Variants in DUSP5 observed in about 807,000 individuals in gnomAD.
DUSP5 encodes the protein dual specificity phosphatase 5.
Under a neutral mutation model 33.6 loss-of-function variants are expected in DUSP5, and 22 were observed. The ratio of observed to expected loss-of-function variants is 0.66; its 90% confidence interval spans 0.47 to 0.94. DUSP5 has a LOEUF of 0.94. Ranked by LOEUF, DUSP5 falls within the 40% of genes least tolerant of loss-of-function variation. The pLI is 0.00. For missense variants in DUSP5, 551 were observed against 522.1 expected (o/e 1.06, Z -0.54); for synonymous variants, 270 against 231.1 (o/e 1.17, Z -1.53).
intron 3 of DUSP5, among the ~76,000 whole-genome samples, chr10:110,508,874 T>C (rs1177399545): frequency 6.6e-6 from 1 of 152,212 alleles, no homozygotes; most frequent in East Asian, 1.9e-4. Flanking sequence ...TTTGTTCAGA[T>C]GGGGAAACTC....
intron 2 of DUSP5, among the ~76,000 whole-genome samples, chr10:110,503,664 A>T (rs1189734412): frequency 6.6e-6 from 1 of 152,232 alleles, no homozygotes; most frequent in Non-Finnish European, 1.5e-5. Context: ...AGGGAAAAGA[A>T]GTGTTCTGTG....
In DUSP5 at chr10:110,497,907, G is replaced by A. The variant is rs1859973846; in HGVS notation, c.-215G>A. On this transcript the variant is annotated 5_prime_UTR_variant, in exon 1 of 4. Transcript: ENST00000369583. ...ACGCTGCGCGGCCGGCGGAATCCCC[G>A]GCTTCTAGGGCGGCGAGCGGCCGGG... The A allele has an allele frequency of 9.9e-6, 2 of 202,600 alleles. No individual in the cohort carries two copies. Among genetic ancestry groups the A allele is most frequent in the Non-Finnish European group, 1.7e-5 (2 of 114,622 alleles). The allele number at this position is 202,600 out of a possible 1,614,324, so 12.6% of individuals were successfully genotyped here.
Position 110,498,461 on chromosome 10 carries a change from G to C in DUSP5, c.340G>C (p.Ala114Pro). 6.5e-7 allele frequency: 1 copy of C among 1,540,124 alleles called. No individual in the cohort carries two copies. Among genetic ancestry groups the C allele is most frequent in the East Asian group, 2.6e-5 (1 of 38,228 alleles). The change falls in exon 1 of 4, where the codon GCT becomes CCT. Residue 114 changes from alanine to proline, a missense_variant. Coordinates refer to ENST00000369583, the MANE Select transcript of DUSP5 (RefSeq NM_004419.4). ...AARVVLTSLL[A>P]CLPAGPRVYF... ...GCGTGTCGTCCTCACCTCGCTACTC[G>C]CTTGCCTACCCGCCGGCCCGCGGGT...
intron 2 of DUSP5, 46 bp from the exon 3 acceptor site, chr10:110,506,889 C>G (rs1013809231): frequency 6.3e-7 from 1 of 1,575,496 alleles, no homozygotes; most frequent in Non-Finnish European, 8.7e-7. Flanking sequence ...CTCAAATGAA[C>G]AAGCTAATCC....
rs750680883 is a variant in DUSP5 at position 110,510,607 on chromosome 10, G to A, written c.*181G>A. ...CAGACGGACCTCAGGGTAGGTTCTCGGGACTGAAGGAAGGCCAAGCCATTA... is the reference window on the plus strand; with the variant it reads ...CAGACGGACCTCAGGGTAGGTTCTCAGGACTGAAGGAAGGCCAAGCCATTA... On this transcript the variant is annotated 3_prime_UTR_variant, in exon 4 of 4. Transcript: ENST00000369583. 2.2e-5 allele frequency: 19 copies of A among 856,154 alleles called. No individual in the cohort carries two copies. The Admixed American group carries it at 2.5e-4, about 11-fold the overall frequency. The allele number at this position is 856,154 out of a possible 1,614,324, so 53.0% of individuals were successfully genotyped here.
chr10:110,500,986 A>C (rs1038433171), intron 1 of DUSP5, among the ~76,000 whole-genome samples: 1 of 152,224 alleles, frequency 6.6e-6, no homozygotes, highest in Non-Finnish European at 1.5e-5. Flanking sequence ...TAAAGCCAAA[A>C]GATGGGGTAG....
intron 2 of DUSP5, 41 bp downstream of exon 2, chr10:110,502,910 C>G: frequency 6.2e-7 from 1 of 1,610,132 alleles, no homozygotes; most frequent in Non-Finnish European, 8.5e-7. Context: ...GAGTGGTATT[C>G]TGGGCTCCTG....
intron 3 of DUSP5, among the ~76,000 whole-genome samples, chr10:110,509,618 G>T (rs1323902531): frequency 1.3e-5 from 2 of 152,230 alleles, no homozygotes; most frequent in African/African-American, 2.4e-5. Flanking sequence ...CAATAAAAAT[G>T]TGCACAATTT....
Position 110,509,817 on chromosome 10 carries a change from G to A in DUSP5, c.749-203G>A, listed in dbSNP as rs756520249. On this transcript the variant is annotated intron_variant, in intron 3 of 3. Transcript: ENST00000369583. The stretch of plus-strand genomic sequence containing the variant: ...GCTGTAAACTGTAAAGGTCCTACTT[G>A]GGGATAGTCTTTGCTGGGACCCCAA... Among the ~76,000 whole-genome samples the A allele has an allele frequency of 2.6e-5, 4 of 152,166 alleles. No homozygotes were observed. In the East Asian group the frequency reaches 7.7e-4, roughly 29 times the overall value.
In DUSP5 at chr10:110,498,072, GC is replaced by G. The variant is rs1859978609; in HGVS notation, c.-49del. 2 of 1,138,892 alleles carry G rather than the reference GC, an allele frequency of 1.8e-6. No individual in the cohort carries two copies. The highest frequency in any genetic ancestry group is 2.1e-6 in the Non-Finnish European group (2 of 935,354). The allele number at this position is 1,138,892 out of a possible 1,614,324, so 70.5% of individuals were successfully genotyped here. On this transcript the variant is annotated 5_prime_UTR_variant, in exon 1 of 4. Coordinates refer to ENST00000369583, the MANE Select transcript of DUSP5 (RefSeq NM_004419.4). ...CTGGCCGTGGACACCCTGGCCGTGG[GC>G]ACCCGCGGGGCGCGCGGCGCGGGGC...
intron 3 of DUSP5, among the ~76,000 whole-genome samples, 174 bp from the exon 4 acceptor site, chr10:110,509,846 C>G (rs948478217): frequency 1.6e-4 from 24 of 152,186 alleles, no homozygotes; most frequent in African/African-American, 5.5e-4. Flanking sequence ...ACCCCAAAAG[C>G]TCTATCCTCA....
chr10:110,507,299 ATGCAGCTACC>A, intron 3 of DUSP5, 145 bp downstream of exon 3: 1 of 794,594 alleles, frequency 1.3e-6, no homozygotes, highest in Admixed American at 2.9e-5. Flanking sequence ...CCAACATGGG[ATGCAGCTACC>A]AAAAAGGTGG....
intron 2 of DUSP5, chr10:110,503,539 T>C (rs1860082748): frequency 6.6e-6 from 1 of 152,146 alleles, no homozygotes; most frequent in Admixed American, 6.5e-5. Context: ...GATAACTCAT[T>C]AAAGGGAAAA....
rs564582088 is a variant in DUSP5, at chr10:110,510,806, A to G, written c.*380A>G. 1.5e-4 allele frequency: 27 copies of G among 185,324 alleles called. No homozygotes were observed. Among genetic ancestry groups the G allele is most frequent in the Non-Finnish European group, 2.8e-4 (25 of 90,102 alleles). The allele number at this position is 185,324 out of a possible 1,614,324, so 11.5% of individuals were successfully genotyped here. A position where few individuals can be genotyped will look rare whatever the true frequency, so the allele number is the denominator to read the frequency against. ...AGGAGAAAAGGCAGTTATGAAGCCA[A>G]TTCATTTTGAAGGAAGCACAATTTC... is the stretch of plus-strand genomic sequence containing the variant. On this transcript the variant is annotated 3_prime_UTR_variant, in exon 4 of 4. Transcript: ENST00000369583.
rs367814937 is a variant in DUSP5, at chr10:110,510,167, T to C, written c.896T>C (p.Met299Thr). 1.9e-6 allele frequency: 3 copies of C among 1,614,094 alleles called. No individual in the cohort carries two copies. The highest frequency in any genetic ancestry group is 1.3e-5 in the African/African-American group (1 of 74,932). ...AFDYIKQRRSMVSPNFGFMGQ... is the reference protein window; with the variant it reads ...AFDYIKQRRSTVSPNFGFMGQ... Reference sequence around the variant, plus strand: ...GATTACATCAAGCAGAGGAGGAGCATGGTCTCGCCCAACTTTGGCTTCATG... The same window carrying C: ...GATTACATCAAGCAGAGGAGGAGCACGGTCTCGCCCAACTTTGGCTTCATG... Residue 299 changes from methionine to threonine, a missense_variant, in exon 4 of 4, where the codon ATG becomes ACG. Met to Thr is a moderately conservative substitution (Grantham distance 81). Around this residue, in one of 3 missense-constraint regions of DUSP5, gnomAD observed 158 missense variants for 181.8 expected, o/e 0.87. Transcript: ENST00000369583.
chr10:110,498,288 G>A lies in DUSP5; in HGVS notation c.167G>A (p.Arg56Gln), dbSNP rs200429102. The change falls in exon 1 of 4, where the codon CGG (arginine) becomes CAG (glutamine). Residue 56 changes from arginine (R) to glutamine (Q), a missense_variant. Arg to Gln is a conservative substitution (Grantham distance 43, BLOSUM62 1). Around this residue, in one of 3 missense-constraint regions of DUSP5, gnomAD observed 381 missense variants for 310.4 expected, o/e 1.23. Coordinates refer to ENST00000369583, the MANE Select transcript of DUSP5 (RefSeq NM_004419.4). ...AACTCGGTGGTGCTGCGGCGGGCCC[G>A]GGGCGGCGCGGTGTCGGCGCGCTAC... is the stretch of plus-strand genomic sequence containing the variant. Reference protein sequence around the residue: ...NLNSVVLRRARGGAVSARYVL... With the variant: ...NLNSVVLRRAQGGAVSARYVL... 2.9e-4 allele frequency: 423 copies of A among 1,443,492 alleles called. 3 individuals carry two copies. The African/African-American group carries it at 5.1e-3, about 17-fold the overall frequency. 89.4% of individuals were successfully genotyped at this position (1,443,492 alleles called of 1,614,324 possible). A position where few individuals can be genotyped will look rare whatever the true frequency, so the allele number is the denominator to read the frequency against.
chr10:110,502,308 G>A (rs1031187628), intron 1 of DUSP5, among the ~76,000 whole-genome samples: 3 of 152,202 alleles, frequency 2.0e-5, no homozygotes, highest in Non-Finnish European at 4.4e-5. Flanking sequence ...ATGGGCTGGG[G>A]AAGAAGCCAC....
Position 110,502,830 on chromosome 10 carries a change from AC to A in DUSP5, c.491del (p.Pro164GlnfsTer3). On this transcript the variant is annotated frameshift_variant, in exon 2 of 4. Transcript: ENST00000369583. LOFTEE classifies it high-confidence loss of function. ...GAGCCCTCATCAGCCAGTGTGGAAAACCAGTGGTAAATGTCAGCTACAGGCC... is the reference window on the plus strand; with the variant it reads ...GAGCCCTCATCAGCCAGTGTGGAAAACAGTGGTAAATGTCAGCTACAGGCC... Reference protein sequence around the residue: ...ERALISQCGKPVVNVSYRPAY... With the variant: ...ERALISQCGKXVVNVSYRPAY... The A allele has an allele frequency of 6.2e-7, 1 of 1,614,134 alleles. No homozygotes were observed. Among genetic ancestry groups the A allele is most frequent in the Non-Finnish European group, 8.5e-7 (1 of 1,180,020 alleles).
At chr10:110,501,818 T>A (rs1303019327) in intron 1 of DUSP5, among the ~76,000 whole-genome samples, 1 of 152,150 alleles carries the variant, frequency 6.6e-6, no homozygotes, top group East Asian at 1.9e-4. Context: ...TCTTCCCCAC[T>A]GAAATGGGCC....
Sources: allele counts gnomAD v4.1 joint callset (sites outside exome capture counted in the v4.1 genomes callset), GRCh38; gene constraint gnomAD v4.1.1; regional missense constraint gnomAD v4.1.1; transcripts MANE v1.5; gene names NCBI Gene and HGNC (gene_info 2026-07-23, HGNC 2026-07-21).